The following VPS45 variants were observed in gnomAD, a reference collection of about 807,000 sequenced individuals.
VPS45 encodes the protein vacuolar protein sorting 45 homolog.
A neutral mutation model predicts 75.9 loss-of-function variants in VPS45; 35 were observed. That is an observed-to-expected ratio of 0.46 (90% CI 0.35 to 0.61). The LOEUF is 0.61. Ranked by LOEUF, VPS45 falls within the 20% of genes least tolerant of loss-of-function variation. The pLI is 0.00. For missense variants in VPS45, 559 were observed against 685.9 expected (o/e 0.81, Z 2.07); for synonymous variants, 220 against 238.2 (o/e 0.92, Z 0.70).
At chr1:150,094,648 A>C (rs1290760934) in intron 13 of VPS45, among the ~76,000 whole-genome samples, 1 of 152,236 alleles carries the variant, frequency 6.6e-6, no homozygotes, top group East Asian at 1.9e-4. Context: ...AGACCTTGGG[A>C]TCAAGATTCA....
intron 4 of VPS45, chr1:150,076,531 G>T: frequency 4.2e-6 from 2 of 479,460 alleles, no homozygotes; most frequent in Non-Finnish European, 7.4e-6. Flanking sequence ...TGAATAAAAA[G>T]AATACCTGTT....
At chr1:150,130,375 G>A (rs887958079) in intron 14 of VPS45, among the ~76,000 whole-genome samples, 1 of 151,584 alleles carries the variant, frequency 6.6e-6, no homozygotes, top group Non-Finnish European at 1.5e-5. Context: ...TTTTTGTAGA[G>A]AGAGGGTTTC....
chr1:150,105,470 C>T (rs1657271417), intron 13 of VPS45, among the ~76,000 whole-genome samples: 1 of 152,076 alleles, frequency 6.6e-6, no homozygotes. Context: ...TTTTTAGGCA[C>T]CAATAACATT....
intron 10 of VPS45, among the ~76,000 whole-genome samples, chr1:150,091,181 A>G (rs1434819959): frequency 2.0e-5 from 3 of 152,184 alleles, no homozygotes; most frequent in Admixed American, 6.5e-5. Context: ...ATTGACTGTG[A>G]ACTCACTGGG....
chr1:150,125,871 A>G (rs1658489631), intron 14 of VPS45, among the ~76,000 whole-genome samples: 2 of 151,794 alleles, frequency 1.3e-5, no homozygotes, highest in South Asian at 4.2e-4. Flanking sequence ...TATTTTTAGT[A>G]GAGACGGGCT....
chr1:150,077,607 T>A (rs1655467201), intron 6 of VPS45, 62 bp from the exon 7 acceptor site: 1 of 1,147,882 alleles, frequency 8.7e-7, no homozygotes, highest in Non-Finnish European at 1.3e-6. Context: ...TAATTTCCTA[T>A]TTATATCATT....
chr1:150,085,843 A>G (rs1553800545), intron 10 of VPS45, among the ~76,000 whole-genome samples: 1 of 152,172 alleles, frequency 6.6e-6, no homozygotes, highest in African/African-American at 2.4e-5. Context: ...CACTAGAACC[A>G]AAGTGAAATT....
chr1:150,091,739 AAT>A (rs1553801933), intron 10 of VPS45, among the ~76,000 whole-genome samples, 196 bp from the exon 11 acceptor site: 1 of 152,220 alleles, frequency 6.6e-6, no homozygotes, highest in Non-Finnish European at 1.5e-5. Flanking sequence ...TTACAATGGA[AAT>A]ATATTTCCTT....
At chr1:150,085,808 T>G (rs936441785) in intron 10 of VPS45, among the ~76,000 whole-genome samples, 1 of 152,136 alleles carries the variant, frequency 6.6e-6, no homozygotes, top group African/African-American at 2.4e-5. Flanking sequence ...TGTAGGCTAA[T>G]GAAAATTTCA....
In VPS45 at chr1:150,097,090, C is replaced by CTTTTTT. The variant is rs71743388; in HGVS notation, c.1493+3452_1493+3457dup. Among the ~76,000 whole-genome samples, 4 of 138,376 alleles carry CTTTTTT rather than the reference C, an allele frequency of 2.9e-5. 1 individual carries two copies. The highest frequency in any genetic ancestry group is 5.7e-5 in the African/African-American group (2 of 35,008). 90.8% of individuals were successfully genotyped at this position (138,376 alleles called of 152,430 possible). ...AAGCAGGATGTTGTAACATTTCTTTCTTTTTTTTTTTTTTTGAGACAGAGT... is the reference window on the plus strand; with the variant it reads ...AAGCAGGATGTTGTAACATTTCTTTCTTTTTTTTTTTTTTTTTTTTTGAGACAGAGT... On this transcript the variant is annotated intron_variant, in intron 13 of 14. Transcript: ENST00000644510.
chr1:150,084,460 C>T lies in VPS45; in HGVS notation c.1104+1577C>T, dbSNP rs587667759. Among the ~76,000 whole-genome samples the T allele has an allele frequency of 1.9e-4, 29 of 152,218 alleles. No homozygotes were observed. The South Asian group carries it at 3.9e-3, about 21-fold the overall frequency. Reference sequence around the variant, plus strand: ...ACATTTCAAAGGGAGAAGAATTAGACGACAGGCTGGATATAAAGATAGAAT... The same window carrying T: ...ACATTTCAAAGGGAGAAGAATTAGATGACAGGCTGGATATAAAGATAGAAT... On this transcript the variant is annotated intron_variant, in intron 10 of 14. Coordinates refer to ENST00000644510, the MANE Select transcript of VPS45 (RefSeq NM_007259.5).
chr1:150,088,700 A>G (rs1656160819), intron 10 of VPS45, among the ~76,000 whole-genome samples: 1 of 151,934 alleles, frequency 6.6e-6, no homozygotes, highest in Admixed American at 6.6e-5. Flanking sequence ...GCTGGTCCCC[A>G]GCTCCTGAGC....
Position 150,078,726 on chromosome 1 carries a change from C to T in VPS45, c.687+947C>T, listed in dbSNP as rs751414606. 1.3e-3 allele frequency among the ~76,000 whole-genome samples: 191 copies of T among 151,636 alleles called. 1 individual carries two copies. The highest frequency in any genetic ancestry group is 3.4e-3 in the Middle Eastern group (1 of 294). On this transcript the variant is annotated intron_variant, in intron 7 of 14. Transcript: ENST00000644510. Reference sequence around the variant, plus strand: ...GCAGTAAGCTGAGATCATGCCACTGCACTCCAGCCAGGGCGACAGAGCAAG... The same window carrying T: ...GCAGTAAGCTGAGATCATGCCACTGTACTCCAGCCAGGGCGACAGAGCAAG...
chr1:150,124,326 G>A (rs976587056), intron 14 of VPS45, among the ~76,000 whole-genome samples: 5 of 151,946 alleles, frequency 3.3e-5, no homozygotes, highest in Non-Finnish European at 7.4e-5. Flanking sequence ...AGACGTGGTG[G>A]CGTGCACATG....
chr1:150,137,797 C>T (rs1659188800), intron 14 of VPS45, among the ~76,000 whole-genome samples: 1 of 151,746 alleles, frequency 6.6e-6, no homozygotes, highest in African/African-American at 2.4e-5. Context: ...TTTCTGTAGT[C>T]CCAGCTACTC....
intron 14 of VPS45, 70 bp from the exon 15 acceptor site, chr1:150,144,639 C>A: frequency 1.5e-6 from 2 of 1,358,298 alleles, no homozygotes; most frequent in South Asian, 1.3e-5. Context: ...GTTAGATGTC[C>A]AGAGCAAGAC....
intron 14 of VPS45, among the ~76,000 whole-genome samples, chr1:150,143,481 G>A (rs781910855): frequency 2.0e-5 from 3 of 152,060 alleles, no homozygotes; most frequent in East Asian, 1.9e-4. Flanking sequence ...CCACCTAATC[G>A]GGAGGCTGAG....
Position 150,144,772 on chromosome 1 carries a change from A to AT in VPS45, c.1690dup (p.Ser564PhefsTer50), listed in dbSNP as rs782628146. 5 of 1,614,220 alleles carry AT rather than the reference A, an allele frequency of 3.1e-6. No individual in the cohort carries two copies. Among genetic ancestry groups the AT allele is most frequent in the Non-Finnish European group, 4.2e-6 (5 of 1,180,034 alleles). ...GAAGCAAGGAGAGCTCTCAAGTCAC[A>AT]TCAAGGTCAGCGAGCAGAAGATGAA... On this transcript the variant is annotated frameshift_variant, in exon 15 of 15. Transcript: ENST00000644510. LOFTEE classifies it high-confidence loss of function.
At chr1:150,107,342 C>G (rs1657386827) in intron 13 of VPS45, among the ~76,000 whole-genome samples, 1 of 152,158 alleles carries the variant, frequency 6.6e-6, no homozygotes, top group Admixed American at 6.5e-5. Flanking sequence ...ACCACTACAC[C>G]TAGTTACCAA....
Sources: gnomAD v4.1 joint callset for allele counts (sites outside exome capture counted in the v4.1 genomes callset) on GRCh38, gnomAD v4.1.1 for gene constraint, MANE v1.5 for transcripts, NCBI Gene and HGNC (gene_info 2026-07-23, HGNC 2026-07-21) for gene names.